The following MIGA1 variants were observed in gnomAD, a reference collection of about 807,000 sequenced individuals.
MIGA1 encodes the protein family with sequence similarity 73, member A.
Under a neutral mutation model 82.0 loss-of-function variants are expected in MIGA1, and 58 were observed. The observed-to-expected ratio is 0.71, with a 90% CI of 0.57 to 0.88. MIGA1 has a LOEUF of 0.88. MIGA1 is among the 40% of genes least tolerant of loss of function. The pLI, the probability that MIGA1 is intolerant of heterozygous loss-of-function variation, is 0.00. For synonymous variants in MIGA1, 249 were observed against 253.6 expected, an observed-to-expected ratio of 0.98 and a Z score of 0.17; for missense variants, 751 against 749.1, an observed-to-expected ratio of 1.00 and a Z score of -0.03.
chr1:77,786,629 C>T (rs972863968), intron 2 of MIGA1, among the ~76,000 whole-genome samples: 1 of 152,202 alleles, frequency 6.6e-6, no homozygotes, highest in Admixed American at 6.5e-5. Flanking sequence ...GGCAAAATGC[C>T]ACCAGTCTCT....
At chr1:77,848,196 AT>A (rs912491230) in intron 8 of MIGA1, 4 of 1,443,578 alleles carry the variant, frequency 2.8e-6, no homozygotes, top group Non-Finnish European at 3.9e-6. Context: ...AGAGATTCCC[AT>A]TGGAAGAGGC....
rs1180058720 is a variant in MIGA1, at chr1:77,873,077, T to G, written c.1637T>G (p.Leu546Trp). 1 of 1,613,880 alleles carries G rather than the reference T, an allele frequency of 6.2e-7. No homozygotes were observed. The highest frequency in any genetic ancestry group is 1.3e-5 in the African/African-American group (1 of 75,048). The change falls in exon 15 of 16, where the codon TTG (leucine) becomes TGG (tryptophan). Residue 546 changes from leucine to tryptophan, a missense_variant. Physicochemically the swap from Leu to Trp is moderately conservative, Grantham distance 61. Coordinates refer to ENST00000370791, the MANE Select transcript of MIGA1 (RefSeq NM_198549.4). ...AGTCCTGTCCTAGCCTGGGGCTTTT[T>G]GGGTCCTAGAAATTCTCTGTATGAT...
At chr1:77,855,869 G>C (rs1304789767) in intron 8 of MIGA1, among the ~76,000 whole-genome samples, 3 of 151,968 alleles carry the variant, frequency 2.0e-5, no homozygotes, top group African/African-American at 7.3e-5. Flanking sequence ...CTTTACCGAC[G>C]TGGATGCCCT....
chr1:77,823,037 T>G (rs1378095456), intron 7 of MIGA1, among the ~76,000 whole-genome samples: 1 of 151,904 alleles, frequency 6.6e-6, no homozygotes, highest in Non-Finnish European at 1.5e-5. Flanking sequence ...GAGACGGGGT[T>G]TCACCACGTT....
intron 1 of MIGA1, 43 bp from the exon 2 acceptor site, chr1:77,783,195 G>T: frequency 2.2e-6 from 3 of 1,374,130 alleles, no homozygotes; most frequent in Non-Finnish European, 1.0e-6. Flanking sequence ...AAAGTAACCA[G>T]AAATCTTTGT....
intron 7 of MIGA1, among the ~76,000 whole-genome samples, chr1:77,836,652 C>G (rs937859023): frequency 6.6e-6 from 1 of 152,146 alleles, no homozygotes; most frequent in Non-Finnish European, 1.5e-5. Flanking sequence ...TATTGCTATC[C>G]TCAGTTTACG....
In MIGA1 at chr1:77,807,537, A is replaced by G. The variant is rs144590375; in HGVS notation, c.637+436A>G. 7.1e-4 allele frequency among the ~76,000 whole-genome samples: 108 copies of G among 152,346 alleles called. 1 individual carries two copies. The highest frequency in any genetic ancestry group is 2.5e-3 in the African/African-American group (105 of 41,574). Reference sequence around the variant, plus strand: ...TTTTAAATGTTCTTATATCTGTTGTATCTAGTCTTCATAACGTCATACATT... The same window carrying G: ...TTTTAAATGTTCTTATATCTGTTGTGTCTAGTCTTCATAACGTCATACATT... On this transcript the variant is annotated intron_variant, in intron 5 of 15. Coordinates refer to ENST00000370791, the MANE Select transcript of MIGA1 (RefSeq NM_198549.4).
Position 77,829,943 on chromosome 1 carries a change from T to G in MIGA1, c.896-13364T>G, listed in dbSNP as rs143390905. 7.5e-5 allele frequency among the ~76,000 whole-genome samples: 11 copies of G among 145,888 alleles called. No individual in the cohort carries two copies. The East Asian group carries it at 2.4e-3, about 32-fold the overall frequency. On this transcript the variant is annotated intron_variant, in intron 7 of 15. Transcript: ENST00000370791. ...CTGTGTGTCTTTTCTGGGCTCTCTA[T>G]TTTGTTCTGTTAATCTGTTTCCTGC...
intron 7 of MIGA1, 57 bp downstream of exon 7, chr1:77,815,288 T>TG: frequency 7.3e-7 from 1 of 1,373,204 alleles, no homozygotes; most frequent in Non-Finnish European, 9.8e-7. Context: ...TTTATATCCT[T>TG]GGAATCATCT....
chr1:77,816,175 C>T (rs572435530), intron 7 of MIGA1, among the ~76,000 whole-genome samples: 1 of 152,202 alleles, frequency 6.6e-6, no homozygotes, highest in South Asian at 2.1e-4. Context: ...ACCTCTTGAC[C>T]TCAAGTGATC....
chr1:77,853,749 C>A, intron 8 of MIGA1: 1 of 327,712 alleles, frequency 3.1e-6, no homozygotes, highest in Admixed American at 3.4e-5. Context: ...CCAGAAAAAT[C>A]TCAAGGAAAA....
chr1:77,871,787 C>T (rs1646838705), intron 14 of MIGA1, among the ~76,000 whole-genome samples: 1 of 152,018 alleles, frequency 6.6e-6, no homozygotes. Context: ...AGTTAGGATT[C>T]TAGTAAGAGT....
At chr1:77,826,961 C>T (rs781204214) in intron 7 of MIGA1, among the ~76,000 whole-genome samples, 1 of 151,484 alleles carries the variant, frequency 6.6e-6, no homozygotes, top group African/African-American at 2.4e-5. Context: ...CCCGCCAGCA[C>T]GCCCAGCTAA....
At chr1:77,870,456 G>A (rs1464362051) in intron 14 of MIGA1, among the ~76,000 whole-genome samples, 1 of 112,188 alleles carries the variant, frequency 8.9e-6, no homozygotes, top group African/African-American at 3.2e-5. Context: ...GGGCGGCGGG[G>A]CAGAGGTGCT....
At chr1:77,873,657 TC>T (rs1379617895) in intron 15 of MIGA1, among the ~76,000 whole-genome samples, 1 of 152,224 alleles carries the variant, frequency 6.6e-6, no homozygotes, top group Admixed American at 6.5e-5. Flanking sequence ...TATAGAATTT[TC>T]TGGCTGGCAA....
At chr1:77,872,322 G>A (rs547300063) in intron 14 of MIGA1, among the ~76,000 whole-genome samples, 51 of 152,232 alleles carry the variant, frequency 3.4e-4, no homozygotes, top group South Asian at 1.2e-3. Context: ...TTTTAAGGGC[G>A]GGGTGTGGCA....
At position 77,875,092 on chromosome 1, in the gene MIGA1, G is replaced by A; in HGVS notation, c.*28G>A. 6.6e-7 allele frequency: 1 copy of A among 1,525,964 alleles called. No individual in the cohort carries two copies. The highest frequency in any genetic ancestry group is 1.1e-5 in the South Asian group (1 of 87,846). The allele number at this position is 1,525,964 out of a possible 1,614,324, so 94.5% of individuals were successfully genotyped here. A position where few individuals can be genotyped will look rare whatever the true frequency, so the allele number is the denominator to read the frequency against. On this transcript the variant is annotated 3_prime_UTR_variant, in exon 16 of 16. Transcript: ENST00000370791. ...ACCATAAGAATCATACAATTTGAGT[G>A]TGCTATGAAATATTTTAAGGTAACT... is the stretch of plus-strand genomic sequence containing the variant.
chr1:77,863,828 C>G, intron 12 of MIGA1, 66 bp from the exon 13 acceptor site: 1 of 1,206,434 alleles, frequency 8.3e-7, no homozygotes, highest in East Asian at 2.7e-5. Context: ...CCATAAAGCC[C>G]TGGCTCAGAT....
Position 77,875,069 on chromosome 1 carries a change from C to G in MIGA1, c.*5C>G, listed in dbSNP as rs775407015. The G allele has an allele frequency of 1.3e-6, 2 of 1,588,722 alleles. No homozygotes were observed. The highest frequency in any genetic ancestry group is 2.7e-5 in the African/African-American group (2 of 74,248). The stretch of plus-strand genomic sequence containing the variant: ...CTGGAAGCCAAAGTACAATAAGTAC[C>G]ATAAGAATCATACAATTTGAGTGTG... On this transcript the variant is annotated 3_prime_UTR_variant, in exon 16 of 16. Coordinates refer to ENST00000370791, the MANE Select transcript of MIGA1 (RefSeq NM_198549.4).
Sources: gnomAD v4.1 joint callset for allele counts (sites outside exome capture counted in the v4.1 genomes callset) on GRCh38, gnomAD v4.1.1 for gene constraint, MANE v1.5 for transcripts, NCBI Gene and HGNC (gene_info 2026-07-23, HGNC 2026-07-21) for gene names.